The following WDR26 variants were observed in gnomAD, a reference collection of about 807,000 sequenced individuals.
WDR26 encodes the protein WD repeat-containing protein 26.
Under a neutral mutation model 84.1 loss-of-function variants are expected in WDR26, and 5 were observed. That is an observed-to-expected ratio of 0.06 (90% confidence interval 0.03 to 0.13). The LOEUF is 0.13. Among genes scored for constraint, WDR26 ranks in the 10% least tolerant of loss-of-function variants. WDR26 has a pLI of 1.00. For missense variants in WDR26, 642 were observed against 974.9 expected, an observed-to-expected ratio of 0.66 and a Z score of 4.55; for synonymous variants, 415 against 389.6, an observed-to-expected ratio of 1.07 and a Z score of -0.77.
At chr1:224,398,408 T>A (rs558736383) in intron 11 of WDR26, 107 bp downstream of exon 11, 1 of 1,266,628 alleles carries the variant, frequency 7.9e-7, no homozygotes, top group Non-Finnish European at 1.1e-6. Context: ...GCAATCAAAT[T>A]TAAGGGTAAG....
At chr1:224,413,204 A>C in intron 6 of WDR26, 1 of 837,950 alleles carries the variant, frequency 1.2e-6, no homozygotes, top group Non-Finnish European at 1.5e-6. Context: ...AACAACAACA[A>C]AAACCCCCCC....
Position 224,411,545 on chromosome 1 carries a change from G to A in WDR26, c.1340C>T (p.Thr447Met), listed in dbSNP as rs376889814. The A allele has an allele frequency of 1.3e-5, 21 of 1,609,008 alleles. No homozygotes were observed. Among genetic ancestry groups the A allele is most frequent in the African/African-American group, 9.4e-5 (7 of 74,852 alleles). Residue 447 changes from threonine to methionine, a missense_variant, in exon 7 of 14, where the codon ACG becomes ATG. Thr to Met is a moderately conservative substitution (Grantham distance 81). This residue lies in a region of WDR26 where 351 missense variants were observed against 672.8 expected (regional missense o/e 0.52). Coordinates refer to ENST00000414423, the MANE Select transcript of WDR26 (RefSeq NM_001379403.1). ...ACAATGCTCCGTAAGTATCTGCTGCGTATAACATGGGAACTGCCTCCTAAA... is the reference window on the plus strand; with the variant it reads ...ACAATGCTCCGTAAGTATCTGCTGCATATAACATGGGAACTGCCTCCTAAA...
intron 6 of WDR26, chr1:224,413,235 AAAC>A (rs2102907109): frequency 2.0e-6 from 2 of 988,364 alleles, no homozygotes; most frequent in African/African-American, 1.7e-5. Context: ...AACGTTATTT[AAAC>A]AATAATGGAT....
intron 3 of WDR26, among the ~76,000 whole-genome samples, chr1:224,427,141 T>C (rs1237475575): frequency 6.7e-6 from 1 of 149,490 alleles, no homozygotes; most frequent in African/African-American, 2.5e-5. Flanking sequence ...TCATTCCATT[T>C]TGTGGTATTT....
chr1:224,400,116 TTATGA>T (rs1421134300), intron 9 of WDR26, among the ~76,000 whole-genome samples: 1 of 152,208 alleles, frequency 6.6e-6, no homozygotes, highest in Non-Finnish European at 1.5e-5. Context: ...TAAATGATAC[TTATGA>T]TATAAAGTTT....
At chr1:224,420,315 G>A (rs897885186) in intron 4 of WDR26, among the ~76,000 whole-genome samples, 2 of 152,190 alleles carry the variant, frequency 1.3e-5, no homozygotes, top group African/African-American at 2.4e-5. Flanking sequence ...TGCTGGGAGT[G>A]TGACCCTGAC....
At chr1:224,407,729 G>A (rs1157172446) in intron 7 of WDR26, among the ~76,000 whole-genome samples, 1 of 151,894 alleles carries the variant, frequency 6.6e-6, no homozygotes, top group Non-Finnish European at 1.5e-5. Context: ...AGGTTGGCTT[G>A]AACTTCTGAC....
At position 224,386,856 on chromosome 1, in the gene WDR26, T is replaced by C. The variant is rs1389987071; in HGVS notation, c.*2979A>G. The C allele has an allele frequency of 6.6e-6, 1 of 152,186 alleles. No homozygotes were observed. The highest frequency in any genetic ancestry group is 1.5e-5 in the Non-Finnish European group (1 of 68,010). The allele number at this position is 152,186 out of a possible 1,614,324, so 9.4% of individuals were successfully genotyped here. A position where few individuals can be genotyped will look rare whatever the true frequency, so the allele number is the denominator to read the frequency against. On this transcript the variant is annotated 3_prime_UTR_variant, in exon 14 of 14. Transcript: ENST00000414423. Reference sequence around the variant, plus strand: ...AAGAGCAACAGAAATGTAGCTGTTATGAAGACTAAAAAAATACAAAAACCA... The same window carrying C: ...AAGAGCAACAGAAATGTAGCTGTTACGAAGACTAAAAAAATACAAAAACCA...
rs920793486 is a variant in WDR26 at position 224,434,580 on chromosome 1, C to T, written c.-175G>A. 5.0e-5 allele frequency: 24 copies of T among 481,034 alleles called. No individual in the cohort carries two copies. In the Admixed American group the frequency reaches 5.3e-4, roughly 11 times the overall value. The allele number at this position is 481,034 out of a possible 1,614,324, so 29.8% of individuals were successfully genotyped here. On this transcript the variant is annotated 5_prime_UTR_variant, in exon 1 of 14. Coordinates refer to ENST00000414423, the MANE Select transcript of WDR26 (RefSeq NM_001379403.1). ...GAGGATCCGGGCCCTTTCCCCCCCC[C>T]CTCCCGGAGGCAGCTCGGGGTGCGC... is the stretch of plus-strand genomic sequence containing the variant.
intron 6 of WDR26, among the ~76,000 whole-genome samples, chr1:224,412,557 G>C (rs1164822491): frequency 6.6e-6 from 1 of 152,004 alleles, no homozygotes; most frequent in East Asian, 1.9e-4. Context: ...ATATATCAAG[G>C]GCAAAGCATT....
At chr1:224,418,163 G>T in intron 6 of WDR26, 97 bp downstream of exon 6, 1 of 968,264 alleles carries the variant, frequency 1.0e-6, no homozygotes, top group Non-Finnish European at 1.5e-6. Flanking sequence ...AATCAGACAT[G>T]AACTGTTATA....
At chr1:224,393,792 T>C in intron 13 of WDR26, 36 bp downstream of exon 13, 1 of 1,436,206 alleles carries the variant, frequency 7.0e-7, no homozygotes, top group Non-Finnish European at 9.3e-7. Flanking sequence ...ATGTTTCATT[T>C]GGACAAAACA....
At chr1:224,404,708 A>G (rs1274324920) in intron 7 of WDR26, 138 bp from the exon 8 acceptor site, 10 of 1,006,204 alleles carry the variant, frequency 9.9e-6, no homozygotes, top group Non-Finnish European at 1.4e-5. Flanking sequence ...TCCCTTTAAC[A>G]GCTTGCTTCA....
chr1:224,393,997 G>A lies in WDR26; in HGVS notation c.2091C>T (p.Ile697=). 6.6e-7 allele frequency: 1 copy of A among 1,519,696 alleles called. No individual in the cohort carries two copies. The highest frequency in any genetic ancestry group is 1.3e-5 in the South Asian group (1 of 79,458). The allele number at this position is 1,519,696 out of a possible 1,614,324, so 94.1% of individuals were successfully genotyped here. Residue 697 remains isoleucine (I), a synonymous_variant, in exon 13 of 14, where the codon ATC becomes ATT. Transcript: ENST00000414423. ...TTGGCAGTTCACTACGTTTGTGCCAGATGTAAACCTTGTGATCTGAACATA... is the reference window on the plus strand; with the variant it reads ...TTGGCAGTTCACTACGTTTGTGCCAAATGTAAACCTTGTGATCTGAACATA...
At chr1:224,403,240 C>T (rs911436125) in intron 8 of WDR26, among the ~76,000 whole-genome samples, 3 of 151,946 alleles carry the variant, frequency 2.0e-5, no homozygotes, top group Non-Finnish European at 2.9e-5. Context: ...TTAGTAGAGA[C>T]GGGGTTTCAC....
At chr1:224,418,488 T>A (rs1673969447) in intron 5 of WDR26, 72 bp from the exon 6 acceptor site, 3 of 1,405,058 alleles carry the variant, frequency 2.1e-6, no homozygotes, top group Non-Finnish European at 2.9e-6. Context: ...CATTTGCTCA[T>A]CTTCTGCTGT....
intron 13 of WDR26, 72 bp from the exon 14 acceptor site, chr1:224,389,932 A>C (rs1184562209): frequency 5.8e-6 from 7 of 1,209,264 alleles, no homozygotes; most frequent in African/African-American, 3.1e-5. Context: ...GAAAAAAATT[A>C]CCAGTTAGAA....
At chr1:224,416,919 G>A (rs747862618) in intron 6 of WDR26, among the ~76,000 whole-genome samples, 1 of 152,122 alleles carries the variant, frequency 6.6e-6, no homozygotes, top group Non-Finnish European at 1.5e-5. Context: ...ATCCTCAGAA[G>A]CAGGTCAATG....
chr1:224,426,414 T>C (rs1465246817), intron 3 of WDR26, among the ~76,000 whole-genome samples: 1 of 152,040 alleles, frequency 6.6e-6, no homozygotes, highest in African/African-American at 2.4e-5. Flanking sequence ...TTGATACAAA[T>C]CTCATCTTAA....
Sources: gnomAD v4.1 joint callset for allele counts (sites outside exome capture counted in the v4.1 genomes callset) on GRCh38, gnomAD v4.1.1 for gene constraint, gnomAD v4.1.1 regional missense constraint, MANE v1.5 for transcripts, NCBI Gene and HGNC (gene_info 2026-07-23, HGNC 2026-07-21) for gene names.